SPTAN1: variants seen among roughly 807,000 people sequenced by gnomAD.
The protein encoded by SPTAN1 is spectrin alpha chain, non-erythrocytic 1.
In SPTAN1, 61 loss-of-function variants were observed where a neutral mutation model predicts 331.3. The ratio of observed to expected loss-of-function variants is 0.18; its 90% CI spans 0.15 to 0.23. The LOEUF is 0.23. SPTAN1 is among the 10% of genes least tolerant of loss of function. SPTAN1 has a pLI of 1.00. For synonymous variants in SPTAN1, 1,153 were observed against 1,173.9 expected (o/e 0.98, Z 0.36); for missense variants, 2,043 against 3,147.9 (o/e 0.65, Z 8.40).
chr9:128,623,569 C>T (rs1039169610), intron 45 of SPTAN1, among the ~76,000 whole-genome samples: 1 of 151,764 alleles, frequency 6.6e-6, no homozygotes, highest in Non-Finnish European at 1.5e-5. Flanking sequence ...AGTTCTCATC[C>T]CTCAGCCTCC....
At position 128,574,722 on chromosome 9, in the gene SPTAN1, G is replaced by A. The variant is rs1851109431; in HGVS notation, c.411G>A (p.Lys137=). 2 of 1,614,190 alleles carry A rather than the reference G, an allele frequency of 1.2e-6. No individual in the cohort carries two copies. Among genetic ancestry groups the A allele is most frequent in the Non-Finnish European group, 1.7e-6 (2 of 1,180,038 alleles). ...LHRQWELLLE[K]MREKGIKLLQ... ...GCCAGTGGGAATTACTTTTGGAGAAGATGCGAGAAAAAGGAATCAAACTGC... is the reference window on the plus strand; with the variant it reads ...GCCAGTGGGAATTACTTTTGGAGAAAATGCGAGAAAAAGGAATCAAACTGC... Residue 137 remains lysine (K), a synonymous_variant, in exon 4 of 57, where the codon AAG becomes AAA. Coordinates refer to ENST00000372739, the MANE Select transcript of SPTAN1 (RefSeq NM_001130438.3).
At chr9:128,593,232 T>C (rs1274297286) in intron 23 of SPTAN1, 190 bp downstream of exon 23, 1 of 675,096 alleles carries the variant, frequency 1.5e-6, no homozygotes, top group East Asian at 2.8e-5. Context: ...CGATGACTGC[T>C]TATCTCATTG....
intron 48 of SPTAN1, 95 bp from the exon 49 acceptor site, chr9:128,626,296 C>T: frequency 6.8e-7 from 1 of 1,474,654 alleles, no homozygotes; most frequent in Non-Finnish European, 9.4e-7. Flanking sequence ...GTGTGCGCCT[C>T]TGATTCCCAG....
At position 128,609,371 on chromosome 9, in the gene SPTAN1, T is replaced by G. The variant is rs149498163; in HGVS notation, c.4758+87T>G. ...TAAATAAAGCATTTATAAAACAATC[T>G]CCTTGCACCCATGGGAAGTCAGTGA... On this transcript the variant is annotated intron_variant, in intron 36 of 56. Coordinates refer to ENST00000372739, the MANE Select transcript of SPTAN1 (RefSeq NM_001130438.3). 1.0e-5 allele frequency: 16 copies of G among 1,580,880 alleles called. No homozygotes were observed. In the African/African-American group the frequency reaches 1.9e-4, roughly 19 times the overall value.
Position 128,587,655 on chromosome 9 carries a change from G to T in SPTAN1, c.2828G>T (p.Gly943Val). The T allele has an allele frequency of 6.2e-7, 1 of 1,614,016 alleles. No individual in the cohort carries two copies. The highest frequency in any genetic ancestry group is 8.5e-7 in the Non-Finnish European group (1 of 1,179,978). ...EALMSDLSAYGSSIQALREQA... is the reference protein window; with the variant it reads ...EALMSDLSAYVSSIQALREQA... ...TTGATGTCAGATCTCAGTGCCTACGGCAGCAGCATCCAGGCTTTGCGAGAA... is the reference window on the plus strand; with the variant it reads ...TTGATGTCAGATCTCAGTGCCTACGTCAGCAGCATCCAGGCTTTGCGAGAA... Residue 943 changes from glycine to valine, a missense_variant, in exon 20 of 57, where the codon GGC (glycine) becomes GTC (valine). Physicochemically the swap from Gly to Val is moderately radical, Grantham distance 109. This residue lies in a region of SPTAN1 where 1,038 missense variants were observed against 1,531.5 expected (regional missense o/e 0.68). Coordinates refer to ENST00000372739, the MANE Select transcript of SPTAN1 (RefSeq NM_001130438.3).
intron 23 of SPTAN1, chr9:128,593,279 T>C (rs1175832271): frequency 1.7e-6 from 1 of 590,846 alleles, no homozygotes; most frequent in Non-Finnish European, 3.1e-6. Flanking sequence ...CAGAGTGGTG[T>C]TGGTTCTCCC....
chr9:128,566,338 G>A (rs1333174160), intron 1 of SPTAN1, among the ~76,000 whole-genome samples: 6 of 152,148 alleles, frequency 3.9e-5, no homozygotes, highest in African/African-American at 9.7e-5. Context: ...TTACAAGTGT[G>A]CGCCACCGCA....
chr9:128,611,755 T>G lies in SPTAN1; in HGVS notation c.4815T>G (p.His1605Gln). ...QKHQAFEAEL[H>Q]ANADRIRGVI... Reference sequence around the variant, plus strand: ...ACCAGGCTTTTGAAGCAGAGCTGCATGCCAACGCTGACCGGATCCGTGGGG... The same window carrying G: ...ACCAGGCTTTTGAAGCAGAGCTGCAGGCCAACGCTGACCGGATCCGTGGGG... Residue 1605 changes from histidine (H) to glutamine (Q), a missense_variant, in exon 38 of 57, where the codon CAT (histidine) becomes CAG (glutamine). Coordinates refer to ENST00000372739, the MANE Select transcript of SPTAN1 (RefSeq NM_001130438.3). 1 of 1,614,170 alleles carries G rather than the reference T, an allele frequency of 6.2e-7. No homozygotes were observed. The highest frequency in any genetic ancestry group is 8.5e-7 in the Non-Finnish European group (1 of 1,180,036).
At chr9:128,603,730 A>T in intron 28 of SPTAN1, 140 bp downstream of exon 28, 1 of 1,064,478 alleles carries the variant, frequency 9.4e-7, no homozygotes, top group Non-Finnish European at 1.5e-6. Flanking sequence ...GCATGTCCTA[A>T]GTAAACATCA....
Position 128,598,471 on chromosome 9 carries a change from C to T in SPTAN1, c.3486C>T (p.Leu1162=), listed in dbSNP as rs2227864. 1,372,909 of 1,611,482 alleles carry T rather than the reference C, an allele frequency of 0.85. 595,480 individuals carry two copies. Among genetic ancestry groups the T allele is most frequent in the Non-Finnish European group, 0.9 (1,060,957 of 1,179,002 alleles). ...KVAEDLESEG[L]MAEEVQAVQQ... is the part of the protein sequence containing the mutation. The stretch of plus-strand genomic sequence containing the variant: ...CTGAAGACCTGGAGTCTGAAGGTCT[C>T]ATGGCAGAGGAGGTGCAGGCTGTGC... The change falls in exon 25 of 57, where the codon CTC becomes CTT. Residue 1162 remains leucine (L), a synonymous_variant. Coordinates refer to ENST00000372739, the MANE Select transcript of SPTAN1 (RefSeq NM_001130438.3).
At position 128,582,568 on chromosome 9, in the gene SPTAN1, G is replaced by A; in HGVS notation, c.1650+12G>A. 1 of 1,613,306 alleles carries A rather than the reference G, an allele frequency of 6.2e-7. No individual in the cohort carries two copies. On this transcript the variant is annotated intron_variant, in intron 13 of 56. Coordinates refer to ENST00000372739, the MANE Select transcript of SPTAN1 (RefSeq NM_001130438.3). ...CTCGCCGAGATGCTGTAAGTTTGTA[G>A]GTTCTTCATGCTCCTCCTTTTTGGT... is the stretch of plus-strand genomic sequence containing the variant.
chr9:128,578,805 GACA>G (rs1294494806), intron 9 of SPTAN1, among the ~76,000 whole-genome samples: 1 of 144,264 alleles, frequency 6.9e-6, no homozygotes, highest in Admixed American at 7.1e-5. Context: ...CTCCCGTCCG[GACA>G]ACAAGAGTGT....
At chr9:128,590,267 C>G (rs939561520) in intron 21 of SPTAN1, among the ~76,000 whole-genome samples, 124 of 152,266 alleles carry the variant, frequency 8.1e-4, no homozygotes, top group Middle Eastern at 3.4e-3. Context: ...TTGGTTTATT[C>G]AAGAGCAGCA....
chr9:128,621,127 C>T (rs1857799030), intron 44 of SPTAN1, 31 bp from the exon 45 acceptor site: 2 of 1,607,312 alleles, frequency 1.2e-6, no homozygotes, highest in Non-Finnish European at 1.7e-6. Flanking sequence ...AGCAGGCTCT[C>T]AATAGTGTGC....
intron 24 of SPTAN1, among the ~76,000 whole-genome samples, chr9:128,596,850 C>A (rs1262553406): frequency 6.6e-6 from 1 of 152,030 alleles, no homozygotes; most frequent in African/African-American, 2.4e-5. Context: ...GCTACCACAT[C>A]CATTATTATA....
intron 48 of SPTAN1, 69 bp downstream of exon 48, chr9:128,626,047 C>A: frequency 6.4e-7 from 1 of 1,567,046 alleles, no homozygotes; most frequent in South Asian, 1.1e-5. Flanking sequence ...TTCTGTCTGC[C>A]CAGCTCTGCC....
chr9:128,607,755 C>G (rs1434617407), intron 32 of SPTAN1, 52 bp downstream of exon 32: 1 of 1,611,198 alleles, frequency 6.2e-7, no homozygotes, highest in Non-Finnish European at 8.5e-7. Flanking sequence ...CTGCAGGGCC[C>G]TAGAGGCCTC....
Position 128,633,417 on chromosome 9 carries a change from C to A in SPTAN1, c.*83C>A, listed in dbSNP as rs562879010. ...CCGCTCCTCTGTGTGCTCTCACTTT[C>A]CACTGTAACCTTAAGCCTGCTTAGC... On this transcript the variant is annotated 3_prime_UTR_variant, in exon 57 of 57. Transcript: ENST00000372739. 1 of 1,599,786 alleles carries A rather than the reference C, an allele frequency of 6.3e-7. No individual in the cohort carries two copies. The highest frequency in any genetic ancestry group is 1.3e-5 in the African/African-American group (1 of 74,866).
chr9:128,616,639 C>T (rs916890255), intron 41 of SPTAN1, among the ~76,000 whole-genome samples: 1 of 151,314 alleles, frequency 6.6e-6, no homozygotes, highest in Admixed American at 6.6e-5. Context: ...TGGTAGCAGG[C>T]GCCTGTGGTC....
Sources: gnomAD v4.1 joint callset for allele counts (sites outside exome capture counted in the v4.1 genomes callset) on GRCh38, gnomAD v4.1.1 for gene constraint, gnomAD v4.1.1 regional missense constraint, MANE v1.5 for transcripts, NCBI Gene and HGNC (gene_info 2026-07-23, HGNC 2026-07-21) for gene names.